The following ST3GAL6 variants were observed in gnomAD, a reference collection of about 807,000 sequenced individuals.
ST3GAL6 encodes ST3 beta-galactoside alpha-2,3-sialyltransferase 6.
In ST3GAL6, 31 loss-of-function variants were observed where a neutral mutation model predicts 40.5. That is an observed-to-expected ratio of 0.77 (90% CI 0.58 to 1.03). ST3GAL6 has a LOEUF of 1.03. Ranked by LOEUF, ST3GAL6 falls within the 50% of genes least tolerant of loss-of-function variation. The pLI is 0.00. For synonymous variants in ST3GAL6, 129 were observed against 136.9 expected (o/e 0.94, Z 0.40); for missense variants, 357 against 393.2 (o/e 0.91, Z 0.78).
At chr3:98,737,539 ATCCTCTTG>A (rs1281959611) in intron 1 of ST3GAL6, among the ~76,000 whole-genome samples, 2 of 152,158 alleles carry the variant, frequency 1.3e-5, no homozygotes, top group Non-Finnish European at 2.9e-5. Flanking sequence ...TATTCCTTTT[ATCCTCTTG>A]TCCTTTGATT....
intron 1 of ST3GAL6, among the ~76,000 whole-genome samples, chr3:98,753,797 A>G (rs1212975664): frequency 6.6e-6 from 1 of 152,208 alleles, no homozygotes; most frequent in African/African-American, 2.4e-5. Flanking sequence ...GAACCCATCT[A>G]TTAAAAAATA....
At chr3:98,770,743 A>G in intron 2 of ST3GAL6, 136 bp from the exon 3 acceptor site, 3 of 684,272 alleles carry the variant, frequency 4.4e-6, no homozygotes, top group Middle Eastern at 2.6e-4. Flanking sequence ...GCAGACCTCA[A>G]GAGGTGCAGG....
In ST3GAL6 at chr3:98,793,950, A is replaced by G. The variant is rs1361998083; in HGVS notation, c.*189A>G. 6 of 387,756 alleles carry G rather than the reference A, an allele frequency of 1.5e-5. No individual in the cohort carries two copies. Among genetic ancestry groups the G allele is most frequent in the Non-Finnish European group, 2.7e-5 (6 of 218,286 alleles). 24.0% of individuals were successfully genotyped at this position (387,756 alleles called of 1,614,324 possible). A position where few individuals can be genotyped will look rare whatever the true frequency, so the allele number is the denominator to read the frequency against. On this transcript the variant is annotated 3_prime_UTR_variant, in exon 10 of 10. Transcript: ENST00000483910. ...TTAACTTATGAAAACCAAGAAATGTAAAGATAACAGGAAAATAAGTTTTGA... is the reference window on the plus strand; with the variant it reads ...TTAACTTATGAAAACCAAGAAATGTGAAGATAACAGGAAAATAAGTTTTGA...
chr3:98,788,628 G>GT (rs1026294180), intron 8 of ST3GAL6, among the ~76,000 whole-genome samples, 165 bp downstream of exon 8: 1 of 151,914 alleles, frequency 6.6e-6, no homozygotes, highest in African/African-American at 2.4e-5. Context: ...TTATCTTTAT[G>GT]TTTTTCATTT....
intron 1 of ST3GAL6, among the ~76,000 whole-genome samples, chr3:98,734,480 C>G (rs1190029044): frequency 6.6e-6 from 1 of 152,104 alleles, no homozygotes; most frequent in East Asian, 1.9e-4. Flanking sequence ...CTAAGCTGTT[C>G]TTGTGGTCAT....
At chr3:98,765,871 A>G (rs1273441046) in intron 1 of ST3GAL6, among the ~76,000 whole-genome samples, 1 of 152,180 alleles carries the variant, frequency 6.6e-6, no homozygotes, top group Non-Finnish European at 1.5e-5. Context: ...TTTTTGCTCA[A>G]AGCAAAATGC....
chr3:98,760,361 G>A (rs553701890), upstream of ST3GAL6, among the ~76,000 whole-genome samples: 4 of 152,298 alleles, frequency 2.6e-5, no homozygotes, highest in African/African-American at 7.2e-5. Context: ...TGCCAGTACT[G>A]CTGGTCCATG....
At chr3:98,765,161 C>T (rs973408634) in intron 1 of ST3GAL6, among the ~76,000 whole-genome samples, 1 of 152,136 alleles carries the variant, frequency 6.6e-6, no homozygotes, top group Non-Finnish European at 1.5e-5. Flanking sequence ...CTAGAGTCAC[C>T]TCCTTTCACC....
intron 1 of ST3GAL6, among the ~76,000 whole-genome samples, chr3:98,753,813 C>A (rs1460824466): frequency 6.6e-6 from 1 of 152,166 alleles, no homozygotes; most frequent in Non-Finnish European, 1.5e-5. Context: ...AAATAATTGT[C>A]CTAAATCTAC....
chr3:98,778,106 G>GGAATGTTT (rs1939724573), intron 5 of ST3GAL6, among the ~76,000 whole-genome samples: 2 of 152,174 alleles, frequency 1.3e-5, no homozygotes, highest in African/African-American at 4.8e-5. Context: ...CCTTCTGAAA[G>GGAATGTTT]CATGCCAAGT....
chr3:98,759,887 C>T (rs1937607494), upstream of ST3GAL6, among the ~76,000 whole-genome samples: 1 of 152,040 alleles, frequency 6.6e-6, no homozygotes, highest in East Asian at 1.9e-4. Flanking sequence ...CTCAAAAATA[C>T]TGGTAGTATC....
intron 1 of ST3GAL6, among the ~76,000 whole-genome samples, chr3:98,755,841 A>C (rs1937378708): frequency 6.6e-6 from 1 of 151,732 alleles, no homozygotes; most frequent in South Asian, 2.1e-4. Context: ...AGCCCACGGC[A>C]CATTTTTAAA....
chr3:98,794,403 C>T lies in ST3GAL6; in HGVS notation c.*642C>T, dbSNP rs1164392747. On this transcript the variant is annotated 3_prime_UTR_variant, in exon 10 of 10. Transcript: ENST00000483910. Reference sequence around the variant, plus strand: ...GAATACAATTACTAAACTCTGATGGCTTTGTATTATTTTAAAGAAATGAAG... The same window carrying T: ...GAATACAATTACTAAACTCTGATGGTTTTGTATTATTTTAAAGAAATGAAG... 1 of 149,312 alleles carries T rather than the reference C, an allele frequency of 6.7e-6. No individual in the cohort carries two copies. The highest frequency in any genetic ancestry group is 1.5e-5 in the Non-Finnish European group (1 of 67,484). The allele number at this position is 149,312 out of a possible 1,614,324, so 9.2% of individuals were successfully genotyped here. A position where few individuals can be genotyped will look rare whatever the true frequency, so the allele number is the denominator to read the frequency against.
intron 1 of ST3GAL6, among the ~76,000 whole-genome samples, chr3:98,736,586 A>G (rs1269198341): frequency 3.9e-5 from 6 of 152,110 alleles, no homozygotes; most frequent in South Asian, 2.1e-4. Flanking sequence ...GGGAGCAGAA[A>G]GTGTTTTTTT....
chr3:98,782,304 C>T, intron 5 of ST3GAL6: 1 of 703,458 alleles, frequency 1.4e-6, no homozygotes, highest in Non-Finnish European at 2.6e-6. Context: ...AGAAGCAAGG[C>T]TGCTATAGCT....
chr3:98,770,840 C>T (rs368982899), intron 2 of ST3GAL6, 39 bp from the exon 3 acceptor site: 78 of 1,589,298 alleles, frequency 4.9e-5, no homozygotes, highest in Non-Finnish European at 6.2e-5. Flanking sequence ...GCAGGGTGCC[C>T]GATTCTGGTT....
intron 1 of ST3GAL6, among the ~76,000 whole-genome samples, chr3:98,766,667 T>C (rs112148671): frequency 0.039 from 5,876 of 152,216 alleles, 143 homozygotes; most frequent in African/African-American, 0.067. Context: ...GTGATCCACC[T>C]GCCTCAGCCT....
At chr3:98,770,533 T>G in intron 2 of ST3GAL6, 1 of 197,244 alleles carries the variant, frequency 5.1e-6, no homozygotes, top group South Asian at 1.0e-4. Flanking sequence ...TGAGTTTCGG[T>G]TTCTCCAGCT....
At chr3:98,744,674 C>A (rs1360843099) in intron 1 of ST3GAL6, among the ~76,000 whole-genome samples, 2 of 152,130 alleles carry the variant, frequency 1.3e-5, no homozygotes, top group Admixed American at 1.3e-4. Context: ...TCTTATTCAT[C>A]CTCCTAGACC....
Sources: gnomAD v4.1 joint callset for allele counts (sites outside exome capture counted in the v4.1 genomes callset) on GRCh38, gnomAD v4.1.1 for gene constraint, MANE v1.5 for transcripts, NCBI Gene and HGNC (gene_info 2026-07-23, HGNC 2026-07-21) for gene names.